The following TTC28 variants were observed in gnomAD, a reference collection of about 807,000 sequenced individuals.
TTC28 encodes the protein tetratricopeptide repeat protein 28.
TTC28 carries 61 observed loss-of-function variants against 198.0 expected under a neutral mutation model. The ratio of observed to expected loss-of-function variants is 0.31; its 90% CI spans 0.25 to 0.38. TTC28 has a LOEUF of 0.38. TTC28 is among the 10% of genes least tolerant of loss of function. The probability of loss-of-function intolerance (pLI) is 1.00; values close to 1 mark genes in which losing one functional copy is unlikely to be tolerated. For synonymous variants in TTC28, 1,171 were observed against 1,297.8 expected (o/e 0.90, Z 2.10); for missense variants, 2,678 against 3,164.0 (o/e 0.85, Z 3.69).
intron 2 of TTC28, among the ~76,000 whole-genome samples, chr22:28,342,760 T>C (rs1462714169): frequency 6.6e-6 from 1 of 152,200 alleles, no homozygotes; most frequent in Non-Finnish European, 1.5e-5. Context: ...TAAGCATATC[T>C]ACACAGTATG....
chr22:28,505,118 A>G (rs947896770), intron 2 of TTC28, among the ~76,000 whole-genome samples: 3 of 151,888 alleles, frequency 2.0e-5, no homozygotes, highest in African/African-American at 4.8e-5. Flanking sequence ...GTAGCCAGGC[A>G]TGGTGGCACA....
intron 3 of TTC28, among the ~76,000 whole-genome samples, chr22:28,301,895 G>T (rs903705244): frequency 9.9e-5 from 15 of 152,004 alleles, no homozygotes; most frequent in Admixed American, 8.5e-4. Context: ...AAATTAGCTG[G>T]GTGTAGTGGT....
At chr22:28,276,640 A>G (rs538167241) in intron 5 of TTC28, among the ~76,000 whole-genome samples, 76 of 152,288 alleles carry the variant, frequency 5.0e-4, no homozygotes, top group African/African-American at 1.8e-3. Context: ...TAGTGTCTAC[A>G]TGCTTTATGC....
intron 5 of TTC28, among the ~76,000 whole-genome samples, chr22:28,210,477 A>C (rs1410787955): frequency 6.6e-6 from 1 of 152,148 alleles, no homozygotes; most frequent in East Asian, 1.9e-4. Flanking sequence ...ATGGCATGAG[A>C]ACTACGTGAC....
intron 2 of TTC28, among the ~76,000 whole-genome samples, chr22:28,426,317 C>A (rs914191804): frequency 2.6e-5 from 4 of 151,698 alleles, no homozygotes; most frequent in Non-Finnish European, 5.9e-5. Flanking sequence ...AACAACAAAA[C>A]CTTCCTTTGG....
chr22:28,476,453 A>G (rs1346932589), intron 2 of TTC28, among the ~76,000 whole-genome samples: 3 of 152,210 alleles, frequency 2.0e-5, no homozygotes, highest in African/African-American at 4.8e-5. Context: ...GTGCACTTGT[A>G]TAAGAATTTT....
intron 2 of TTC28, among the ~76,000 whole-genome samples, chr22:28,504,415 C>A (rs1266394484): frequency 6.6e-6 from 1 of 152,002 alleles, no homozygotes. Flanking sequence ...CTCATATACA[C>A]ATATATACAT....
chr22:28,010,607 G>A (rs982451806), intron 14 of TTC28, among the ~76,000 whole-genome samples: 3 of 152,106 alleles, frequency 2.0e-5, no homozygotes, highest in African/African-American at 7.2e-5. Context: ...TGGACACCTC[G>A]GCCAGTGAAA....
intron 2 of TTC28, among the ~76,000 whole-genome samples, chr22:28,478,524 A>G (rs1480935236): frequency 4.6e-5 from 7 of 152,094 alleles, no homozygotes; most frequent in African/African-American, 1.7e-4. Context: ...CAAATCAAAT[A>G]AAATAGTCCT....
intron 2 of TTC28, among the ~76,000 whole-genome samples, chr22:28,498,600 T>A (rs567479072): frequency 6.6e-6 from 1 of 152,140 alleles, no homozygotes; most frequent in Non-Finnish European, 1.5e-5. Flanking sequence ...GGTTTCACAA[T>A]AAAATGATAA....
intron 2 of TTC28, among the ~76,000 whole-genome samples, chr22:28,474,405 A>G (rs2048135184): frequency 6.6e-6 from 1 of 152,212 alleles, no homozygotes; most frequent in Admixed American, 6.5e-5. Context: ...AAACTGGAAG[A>G]GAGGTTCAAA....
At chr22:28,410,946 G>A (rs889766947) in intron 2 of TTC28, among the ~76,000 whole-genome samples, 2 of 151,434 alleles carry the variant, frequency 1.3e-5, no homozygotes, top group African/African-American at 4.9e-5. Flanking sequence ...TCTTACCTTG[G>A]ATGAAATTAA....
At chr22:28,327,027 T>C (rs947628329) in intron 2 of TTC28, among the ~76,000 whole-genome samples, 3 of 150,132 alleles carry the variant, frequency 2.0e-5, no homozygotes, top group Admixed American at 6.6e-5. Flanking sequence ...GCAAGCCCTA[T>C]TGTGAAATAA....
chr22:28,465,539 G>A lies in TTC28; in HGVS notation c.382-158896C>T, dbSNP rs369713345. ...CTCACGAGGCTGAAGCAGGAGAATC[G>A]CTTGAACCTAGGGAGTGGAAGTTGC... On this transcript the variant is annotated intron_variant, in intron 2 of 22. Coordinates refer to ENST00000397906, the MANE Select transcript of TTC28 (RefSeq NM_001145418.2). Among the ~76,000 whole-genome samples, 22 of 151,944 alleles carry A rather than the reference G, an allele frequency of 1.4e-4. No individual in the cohort carries two copies. In the East Asian group the frequency reaches 3.5e-3, roughly 24 times the overall value.
At chr22:28,449,743 C>T (rs973059423) in intron 2 of TTC28, among the ~76,000 whole-genome samples, 1 of 152,064 alleles carries the variant, frequency 6.6e-6, no homozygotes, top group Admixed American at 6.6e-5. Context: ...AATAGGAAAA[C>T]AACAAAGACA....
chr22:28,144,113 G>A (rs975528077), intron 6 of TTC28, among the ~76,000 whole-genome samples: 1 of 152,148 alleles, frequency 6.6e-6, no homozygotes, highest in Non-Finnish European at 1.5e-5. Flanking sequence ...CATGCAAAAT[G>A]CTTCACATAC....
intron 1 of TTC28, among the ~76,000 whole-genome samples, chr22:28,651,311 C>CTTTTTTTTTTT (rs111469498): frequency 6.8e-6 from 1 of 147,456 alleles, no homozygotes; most frequent in African/African-American, 2.5e-5. Flanking sequence ...TCTGTCACTC[C>CTTTTTTTTTTT]TTTTTTTTGA....
intron 1 of TTC28, among the ~76,000 whole-genome samples, chr22:28,637,157 C>T (rs995497285): frequency 3.3e-5 from 5 of 151,876 alleles, no homozygotes; most frequent in Non-Finnish European, 5.9e-5. Flanking sequence ...CACAGGCACC[C>T]GCCACCATGC....
chr22:28,062,188 A>T (rs1940567771), intron 12 of TTC28, among the ~76,000 whole-genome samples: 1 of 151,856 alleles, frequency 6.6e-6, no homozygotes, highest in South Asian at 2.1e-4. Flanking sequence ...CGCCTGAGTA[A>T]CTGAGCTTAC....
Sources: gnomAD v4.1 joint callset for allele counts (sites outside exome capture counted in the v4.1 genomes callset) on GRCh38, gnomAD v4.1.1 for gene constraint, MANE v1.5 for transcripts, NCBI Gene and HGNC (gene_info 2026-07-23, HGNC 2026-07-21) for gene names.